PCDH9: variants seen among roughly 807,000 people sequenced by gnomAD.
PCDH9 encodes the protein protocadherin 9.
A neutral mutation model predicts 70.6 loss-of-function variants in PCDH9; 24 were observed. That is an observed-to-expected ratio of 0.34 (90% CI 0.25 to 0.48). The LOEUF (loss-of-function observed/expected upper bound fraction) is 0.48, where lower values mean the gene tolerates loss of function less well. PCDH9 is among the 20% of genes least tolerant of loss of function. PCDH9 has a pLI of 0.99. For missense variants in PCDH9, 1,281 were observed against 1,503.6 expected (o/e 0.85, Z 2.45); for synonymous variants, 562 against 558.5 (o/e 1.01, Z -0.09).
chr13:66,817,966 G>T (rs568052402), intron 3 of PCDH9, among the ~76,000 whole-genome samples: 3 of 152,054 alleles, frequency 2.0e-5, no homozygotes, highest in South Asian at 2.1e-4. Context: ...TTGATCCCAA[G>T]AATTATTTTT....
At chr13:67,130,440 A>T (rs1271708581) in intron 2 of PCDH9, among the ~76,000 whole-genome samples, 2 of 152,172 alleles carry the variant, frequency 1.3e-5, no homozygotes, top group Non-Finnish European at 2.9e-5. Context: ...CTAAAATCTA[A>T]AAAAGGTATT....
In PCDH9 at chr13:67,060,742, G is replaced by A. The variant is rs1355371683; in HGVS notation, c.3037-157137C>T. Among the ~76,000 whole-genome samples the A allele has an allele frequency of 2.0e-5, 3 of 152,060 alleles. No individual in the cohort carries two copies. In the South Asian group the frequency reaches 6.2e-4, roughly 32 times the overall value. Reference sequence around the variant, plus strand: ...AATCACTGATTTAGACCCAAGTAGGGCATCAAATTAACAAAGACCTAGTTC... The same window carrying A: ...AATCACTGATTTAGACCCAAGTAGGACATCAAATTAACAAAGACCTAGTTC... On this transcript the variant is annotated intron_variant, in intron 2 of 4. Transcript: ENST00000377865.
intron 2 of PCDH9, among the ~76,000 whole-genome samples, chr13:67,050,088 T>A (rs2085294340): frequency 6.6e-6 from 1 of 152,214 alleles, no homozygotes; most frequent in African/African-American, 2.4e-5. Context: ...GTGCACAGAA[T>A]GACACAACAT....
intron 4 of PCDH9, among the ~76,000 whole-genome samples, chr13:66,493,500 T>C (rs1959066134): frequency 6.6e-6 from 1 of 152,138 alleles, no homozygotes; most frequent in Non-Finnish European, 1.5e-5. Flanking sequence ...TTATATCTCA[T>C]GCAACCACGG....
chr13:66,984,810 T>C (rs2181882), intron 2 of PCDH9, among the ~76,000 whole-genome samples: 150,939 of 152,232 alleles, frequency 0.99, 74,841 homozygotes, highest in East Asian at 1. Context: ...AAAGGAGATA[T>C]GTGTATATTT....
intron 3 of PCDH9, among the ~76,000 whole-genome samples, chr13:66,840,179 T>A (rs1342186852): frequency 2.0e-5 from 3 of 152,096 alleles, no homozygotes; most frequent in African/African-American, 7.2e-5. Flanking sequence ...TTAAAAAAAA[T>A]CTAGCACCAT....
chr13:66,705,108 G>A (rs9529122), intron 3 of PCDH9, among the ~76,000 whole-genome samples: 148,673 of 152,216 alleles, frequency 0.98, 72,714 homozygotes, highest in East Asian at 1. Flanking sequence ...AAAGGGGTAA[G>A]TGTATAGTGA....
chr13:66,627,744 A>G (rs1305071972), intron 4 of PCDH9, among the ~76,000 whole-genome samples: 1 of 152,150 alleles, frequency 6.6e-6, no homozygotes, highest in African/African-American at 2.4e-5. Flanking sequence ...TGGGCTGCCC[A>G]AGGTTGTGCT....
rs562176354 is a variant in PCDH9 at position 66,829,717 on chromosome 13, C to CAAAAAAAAAAAAAAAAAAAAAAAAAA, written c.3138+73761_3138+73786dup. ...TGGGCGACAGAGCGAGACTCCGTCT[C>CAAAAAAAAAAAAAAAAAAAAAAAAAA]AAAAAAAAAAAAAAAAAAAAAAAAA... is the stretch of plus-strand genomic sequence containing the variant. On this transcript the variant is annotated intron_variant, in intron 3 of 4. Transcript: ENST00000377865. Among the ~76,000 whole-genome samples the CAAAAAAAAAAAAAAAAAAAAAAAAAA allele has an allele frequency of 1.1e-4, 6 of 53,128 alleles. 2 individuals are homozygous for CAAAAAAAAAAAAAAAAAAAAAAAAAA. Among genetic ancestry groups the CAAAAAAAAAAAAAAAAAAAAAAAAAA allele is most frequent in the African/African-American group, 2.8e-4 (4 of 14,056 alleles). 34.9% of individuals were successfully genotyped at this position (53,128 alleles called of 152,430 possible).
At chr13:66,484,319 C>T (rs897729866) in intron 4 of PCDH9, among the ~76,000 whole-genome samples, 1 of 152,176 alleles carries the variant, frequency 6.6e-6, no homozygotes, top group South Asian at 2.1e-4. Flanking sequence ...ACACTCACCC[C>T]TAGATACATA....
chr13:66,538,992 A>G (rs1960828521), intron 4 of PCDH9, among the ~76,000 whole-genome samples: 1 of 152,108 alleles, frequency 6.6e-6, no homozygotes, highest in African/African-American at 2.4e-5. Flanking sequence ...ACACATGTCT[A>G]CATTAATCTA....
chr13:67,059,286 G>A (rs1057231471), intron 2 of PCDH9, among the ~76,000 whole-genome samples: 12 of 148,930 alleles, frequency 8.1e-5, no homozygotes, highest in East Asian at 2.0e-4. Flanking sequence ...TCATGATCTC[G>A]TGAATCTGAC....
chr13:66,367,570 G>A (rs1223624537), intron 4 of PCDH9, among the ~76,000 whole-genome samples: 1 of 152,020 alleles, frequency 6.6e-6, no homozygotes, highest in East Asian at 1.9e-4. Flanking sequence ...GAAAAATTCT[G>A]GGTTCAAAGG....
chr13:67,182,561 A>C (rs921555490), intron 2 of PCDH9, among the ~76,000 whole-genome samples: 1 of 152,204 alleles, frequency 6.6e-6, no homozygotes, highest in African/African-American at 2.4e-5. Flanking sequence ...AATGAAAATC[A>C]TAGGTCAGAT....
intron 2 of PCDH9, among the ~76,000 whole-genome samples, chr13:67,078,823 A>C (rs560774757): frequency 6.6e-6 from 1 of 152,276 alleles, no homozygotes; most frequent in South Asian, 2.1e-4. Context: ...TCTTTAAATA[A>C]AGTAATATTT....
intron 2 of PCDH9, among the ~76,000 whole-genome samples, chr13:67,131,565 G>A (rs944758313): frequency 1.3e-5 from 2 of 151,798 alleles, no homozygotes; most frequent in Non-Finnish European, 2.9e-5. Flanking sequence ...ATTAAACCAG[G>A]TTTAAAAATA....
At chr13:66,573,279 T>G (rs992477535) in intron 4 of PCDH9, among the ~76,000 whole-genome samples, 11 of 151,652 alleles carry the variant, frequency 7.3e-5, no homozygotes, top group African/African-American at 2.4e-4. Context: ...TTTTTTTTTT[T>G]TTTTGCTGGT....
At chr13:66,680,137 C>G (rs1462528218) in intron 3 of PCDH9, among the ~76,000 whole-genome samples, 1 of 151,934 alleles carries the variant, frequency 6.6e-6, no homozygotes, top group Non-Finnish European at 1.5e-5. Flanking sequence ...GAAGTTGTCA[C>G]ATGCATGCTG....
chr13:66,933,895 A>C (rs964685687), intron 2 of PCDH9, among the ~76,000 whole-genome samples: 1 of 83,350 alleles, frequency 1.2e-5, no homozygotes, highest in African/African-American at 3.4e-5. Flanking sequence ...AGCTAGGCAA[A>C]AAAAAAAAAA....
Sources: allele counts gnomAD v4.1 joint callset (sites outside exome capture counted in the v4.1 genomes callset), GRCh38; gene constraint gnomAD v4.1.1; transcripts MANE v1.5; gene names NCBI Gene and HGNC (gene_info 2026-07-23, HGNC 2026-07-21).